XKR4: variants seen among roughly 807,000 people sequenced by gnomAD.
XKR4 encodes XK related 4.
Under a neutral mutation model 53.9 loss-of-function variants are expected in XKR4, and 12 were observed. The ratio of observed to expected loss-of-function variants is 0.22; its 90% CI spans 0.14 to 0.36. XKR4 has a LOEUF of 0.36. XKR4 is among the 10% of genes least tolerant of loss of function. The pLI, the probability that XKR4 is intolerant of heterozygous loss-of-function variation, is 1.00. For missense variants in XKR4, 799 were observed against 859.5 expected (o/e 0.93, Z 0.88); for synonymous variants, 354 against 362.4 (o/e 0.98, Z 0.26).
chr8:55,450,826 C>A (rs1805427992), intron 2 of XKR4: 1 of 495,426 alleles, frequency 2.0e-6, no homozygotes, highest in East Asian at 4.8e-5. Context: ...GATGTCCCAG[C>A]CGTCCTCCAG....
intron 2 of XKR4, among the ~76,000 whole-genome samples, chr8:55,434,677 G>A (rs894105711): frequency 1.3e-5 from 2 of 152,206 alleles, no homozygotes; most frequent in Non-Finnish European, 2.9e-5. Flanking sequence ...GGACTTCTGT[G>A]AGTAAATCTG....
At chr8:55,489,658 T>C (rs1301450619) in intron 2 of XKR4, among the ~76,000 whole-genome samples, 5 of 152,126 alleles carry the variant, frequency 3.3e-5, no homozygotes, top group Non-Finnish European at 5.9e-5. Context: ...TCACTTAATA[T>C]ATTTATGTTT....
At chr8:55,357,016 G>A (rs1803804609) in intron 1 of XKR4, among the ~76,000 whole-genome samples, 1 of 152,062 alleles carries the variant, frequency 6.6e-6, no homozygotes, top group Non-Finnish European at 1.5e-5. Flanking sequence ...TAGAAAATAT[G>A]TGTTGATAGA....
At chr8:55,170,617 G>T (rs1348196038) in intron 1 of XKR4, among the ~76,000 whole-genome samples, 1 of 152,040 alleles carries the variant, frequency 6.6e-6, no homozygotes, top group Non-Finnish European at 1.5e-5. Context: ...GTGGTAGCTT[G>T]TTACAGCACC....
intron 2 of XKR4, among the ~76,000 whole-genome samples, chr8:55,390,008 C>A (rs889637215): frequency 1.3e-5 from 2 of 152,072 alleles, no homozygotes; most frequent in African/African-American, 4.8e-5. Context: ...CTGAAATGCC[C>A]CTCAGTCCTA....
chr8:55,138,627 T>C (rs1191351387), intron 1 of XKR4, among the ~76,000 whole-genome samples: 1 of 152,234 alleles, frequency 6.6e-6, no homozygotes, highest in Non-Finnish European at 1.5e-5. Flanking sequence ...AAGGTAACTG[T>C]CAATTTGTGT....
chr8:55,454,295 G>A (rs1563354918), intron 2 of XKR4: 4 of 1,430,334 alleles, frequency 2.8e-6, no homozygotes, highest in East Asian at 4.6e-5. Flanking sequence ...TGCCTGGAAG[G>A]CCGCATTGAC....
chr8:55,491,220 C>T (rs1182252189), intron 2 of XKR4, among the ~76,000 whole-genome samples: 2 of 152,074 alleles, frequency 1.3e-5, no homozygotes, highest in African/African-American at 4.8e-5. Flanking sequence ...TCCATGTTTT[C>T]TTCTACATTC....
At position 55,523,361 on chromosome 8, in the gene XKR4, G is replaced by A; in HGVS notation, c.1087G>A (p.Asp363Asn). The A allele has an allele frequency of 6.2e-7, 1 of 1,614,208 alleles. No individual in the cohort carries two copies. The change falls in exon 3 of 3, where the codon GAC becomes AAC. Residue 363 changes from aspartate (D) to asparagine (N), a missense_variant. Transcript: ENST00000327381. ...GAAGGCCCTCCGGGACTCTCGAGAT[G>A]ACAAGAAGCCCATCAGCTACATGGC... ...YQKALRDSRDDKKPISYMAVI... is the reference protein window; with the variant it reads ...YQKALRDSRDNKKPISYMAVI...
At position 55,531,969 on chromosome 8, in the gene XKR4, C is replaced by T. The variant is rs771734282; in HGVS notation, c.*7742C>T. On this transcript the variant is annotated 3_prime_UTR_variant, in exon 3 of 3. Transcript: ENST00000327381. ...TCAGCCCCAGCTTCCTGGGGAAACC[C>T]ACACTGGCTTTGGACCCGATTGCAT... The T allele has an allele frequency of 2.0e-5, 3 of 152,322 alleles. No individual in the cohort carries two copies. The highest frequency in any genetic ancestry group is 2.9e-5 in the Non-Finnish European group (2 of 68,088). 9.4% of individuals were successfully genotyped at this position (152,322 alleles called of 1,614,324 possible).
chr8:55,260,304 A>C (rs1818505652), intron 1 of XKR4, among the ~76,000 whole-genome samples: 1 of 152,138 alleles, frequency 6.6e-6, no homozygotes, highest in African/African-American at 2.4e-5. Context: ...ATGGTGTTTC[A>C]TTTCTGTTCC....
intron 2 of XKR4, among the ~76,000 whole-genome samples, chr8:55,404,857 T>C (rs942316013): frequency 3.9e-5 from 6 of 152,194 alleles, no homozygotes; most frequent in Non-Finnish European, 8.8e-5. Flanking sequence ...AGGTACAAAG[T>C]GTGTTTGGAT....
intron 2 of XKR4, among the ~76,000 whole-genome samples, chr8:55,459,282 A>G (rs1805613988): frequency 6.6e-6 from 1 of 152,248 alleles, no homozygotes; most frequent in Non-Finnish European, 1.5e-5. Flanking sequence ...ACTCCAAAAT[A>G]GAACATAGAC....
At chr8:55,215,301 A>G (rs1486709247) in intron 1 of XKR4, among the ~76,000 whole-genome samples, 1 of 152,244 alleles carries the variant, frequency 6.6e-6, no homozygotes, top group Non-Finnish European at 1.5e-5. Context: ...TGCATATAGC[A>G]TAATAAAGCT....
At chr8:55,416,436 T>C (rs988787835) in intron 2 of XKR4, among the ~76,000 whole-genome samples, 2 of 152,210 alleles carry the variant, frequency 1.3e-5, no homozygotes, top group Non-Finnish European at 2.9e-5. Flanking sequence ...GTGTGAACCA[T>C]AGCTTCACAG....
At chr8:55,474,451 A>T (rs1805944549) in intron 2 of XKR4, among the ~76,000 whole-genome samples, 1 of 152,174 alleles carries the variant, frequency 6.6e-6, no homozygotes, top group Non-Finnish European at 1.5e-5. Flanking sequence ...ATATACACAC[A>T]AAGTCTACCA....
Position 55,142,224 on chromosome 8 carries a change from G to T in XKR4, c.806+38930G>T. 1.5e-5 allele frequency: 7 copies of T among 455,784 alleles called. No individual in the cohort carries two copies. The Admixed American group carries it at 1.6e-4, about 11-fold the overall frequency. 28.2% of individuals were successfully genotyped at this position (455,784 alleles called of 1,614,324 possible). On this transcript the variant is annotated intron_variant, in intron 1 of 2. Coordinates refer to ENST00000327381, the MANE Select transcript of XKR4 (RefSeq NM_052898.2). ...TGCTGGTCAAACGGCAGAACTTCAT[G>T]TCATTGAAACTTGCTCTTAGACCTC...
At chr8:55,484,824 C>A (rs927256600) in intron 2 of XKR4, among the ~76,000 whole-genome samples, 3 of 152,180 alleles carry the variant, frequency 2.0e-5, no homozygotes, top group Non-Finnish European at 4.4e-5. Flanking sequence ...GTCACTGGGC[C>A]ATTGATCTTC....
chr8:55,162,761 A>G (rs1817003762), intron 1 of XKR4, among the ~76,000 whole-genome samples: 1 of 152,194 alleles, frequency 6.6e-6, no homozygotes, highest in African/African-American at 2.4e-5. Context: ...CTACCCTTTC[A>G]ATATTTAAAC....
Sources: allele counts gnomAD v4.1 joint callset (sites outside exome capture counted in the v4.1 genomes callset), GRCh38; gene constraint gnomAD v4.1.1; transcripts MANE v1.5; gene names NCBI Gene and HGNC (gene_info 2026-07-23, HGNC 2026-07-21).